Variants in RIPOR3 observed in about 807,000 individuals in gnomAD.
The protein encoded by RIPOR3 is family with sequence similarity 65 member C.
In RIPOR3, 95 loss-of-function variants were observed where a neutral mutation model predicts 114.3. The ratio of observed to expected loss-of-function variants is 0.83; its 90% confidence interval spans 0.70 to 0.99. The LOEUF is 0.99. RIPOR3 is among the 50% of genes least tolerant of loss of function. The pLI is 0.00. For synonymous variants in RIPOR3, 575 were observed against 543.8 expected, an observed-to-expected ratio of 1.06 and a Z score of -0.80; for missense variants, 1,252 against 1,266.9, an observed-to-expected ratio of 0.99 and a Z score of 0.18.
At chr20:50,588,483 A>T (rs1216149997) in intron 20 of RIPOR3, among the ~76,000 whole-genome samples, 1 of 152,242 alleles carries the variant, frequency 6.6e-6, no homozygotes, top group Non-Finnish European at 1.5e-5. Context: ...GGTTGAGGGA[A>T]AGCGGGCATC....
At chr20:50,608,788 T>C (rs371488470) in intron 9 of RIPOR3, 50 bp from the exon 10 acceptor site, 186 of 1,612,424 alleles carry the variant, frequency 1.2e-4, no homozygotes, top group Non-Finnish European at 1.5e-4. Flanking sequence ...GGTGTCCCCT[T>C]GCTGTCCGCC....
chr20:50,591,258 A>G (rs530064678), intron 19 of RIPOR3, among the ~76,000 whole-genome samples: 4 of 152,328 alleles, frequency 2.6e-5, no homozygotes, highest in African/African-American at 7.2e-5. Context: ...AAAGGAATTG[A>G]TAGTTAATTT....
At chr20:50,655,873 T>C (rs2085792856) in intron 1 of RIPOR3, among the ~76,000 whole-genome samples, 1 of 152,104 alleles carries the variant, frequency 6.6e-6, no homozygotes, top group South Asian at 2.1e-4. Flanking sequence ...CAATTGTTTC[T>C]TTCCCTTTTT....
chr20:50,615,496 G>A (rs2084140140), intron 4 of RIPOR3, among the ~76,000 whole-genome samples: 1 of 143,482 alleles, frequency 7.0e-6, no homozygotes, highest in Admixed American at 7.3e-5. Context: ...CTGCACTCCA[G>A]CCTGGACAAC....
intron 1 of RIPOR3, among the ~76,000 whole-genome samples, chr20:50,671,387 C>G (rs1238703036): frequency 6.6e-6 from 1 of 151,670 alleles, no homozygotes. Flanking sequence ...CTTTCTCTCT[C>G]CCTCTCTCTC....
At chr20:50,683,383 G>C (rs539160829) in intron 1 of RIPOR3, among the ~76,000 whole-genome samples, 308 of 152,182 alleles carry the variant, frequency 2.0e-3, no homozygotes, top group Admixed American at 3.8e-3. Context: ...GGAAGTGTAG[G>C]TGGGGCTGTT....
rs1345241156 is a variant in RIPOR3, at chr20:50,602,492, C to T, written c.1239G>A (p.Glu413=). ...TGCTGGTCTCCGTGTCTCGGGGGTCCTCAGAGCTGAAGGAGTCCATCTCAG... is the reference window on the plus strand; with the variant it reads ...TGCTGGTCTCCGTGTCTCGGGGGTCTTCAGAGCTGAAGGAGTCCATCTCAG... The part of the protein sequence containing the change: ...ELPEMDSFSS[E]DPRDTETSTS... The change falls in exon 13 of 22, where the codon GAG becomes GAA. Residue 413 remains glutamate, a synonymous_variant. Coordinates refer to ENST00000327979, the MANE Select transcript of RIPOR3 (RefSeq NM_001290268.2). The surrounding 1 kb of genome is among the most constrained non-coding windows in gnomAD (Gnocchi z 4.3). 6.4e-7 allele frequency: 1 copy of T among 1,562,070 alleles called. No individual in the cohort carries two copies. Among genetic ancestry groups the T allele is most frequent in the Admixed American group, 1.9e-5 (1 of 52,770 alleles).
chr20:50,593,059 G>A lies in RIPOR3; in HGVS notation c.2350C>T (p.His784Tyr). 6.2e-7 allele frequency: 1 copy of A among 1,614,118 alleles called. No homozygotes were observed. Among genetic ancestry groups the A allele is most frequent in the Non-Finnish European group, 8.5e-7 (1 of 1,180,044 alleles). ...CCTTCCTTGGTGAGCTGGGTGAAGT[G>A]CTTCTCCAGGTCAGAGACGCTCTGC... ...QRQSVSDLEKHFTQLTKEVTL... is the reference protein window; with the variant it reads ...QRQSVSDLEKYFTQLTKEVTL... Residue 784 changes from histidine to tyrosine, a missense_variant, in exon 18 of 22, where the codon CAC becomes TAC. His to Tyr is a moderately conservative substitution (Grantham distance 83, BLOSUM62 2). Coordinates refer to ENST00000327979, the MANE Select transcript of RIPOR3 (RefSeq NM_001290268.2).
rs1418599523 is a variant in RIPOR3, at chr20:50,691,509, C to T, written c.-381G>A. On this transcript the variant is annotated 5_prime_UTR_variant, in exon 1 of 22. Coordinates refer to ENST00000327979, the MANE Select transcript of RIPOR3 (RefSeq NM_001290268.2). ...CGGATGCCGCCTGCTGCTCTGGACG[C>T]GGCCGATTGCTTGTCAGTGTCACTC... 6.2e-5 allele frequency: 12 copies of T among 193,878 alleles called. No individual in the cohort carries two copies. The highest frequency in any genetic ancestry group is 5.3e-4 in the South Asian group (7 of 13,130). 12.0% of individuals were successfully genotyped at this position (193,878 alleles called of 1,614,324 possible).
chr20:50,607,094 T>C (rs567043600), intron 11 of RIPOR3, among the ~76,000 whole-genome samples: 47 of 152,334 alleles, frequency 3.1e-4, no homozygotes, highest in African/African-American at 1.1e-3. Context: ...GCTCCTTTTC[T>C]GCATTTTGTT....
At chr20:50,611,152 C>G in intron 5 of RIPOR3, 29 bp downstream of exon 5, 1 of 1,614,148 alleles carries the variant, frequency 6.2e-7, no homozygotes, top group Admixed American at 1.7e-5. Flanking sequence ...CCAGGCCCAG[C>G]CCACCTCACT....
At position 50,602,189 on chromosome 20, in the gene RIPOR3, G is replaced by A. The variant is rs768013136; in HGVS notation, c.1542C>T (p.Gly514=). 16 of 1,613,130 alleles carry A rather than the reference G, an allele frequency of 9.9e-6. No homozygotes were observed. The highest frequency in any genetic ancestry group is 5.0e-5 in the Admixed American group (3 of 59,982). ...CCTGCAGAGGCCCCTCGAGGGCCAC[G>A]CCAGGCCCGTCCTCTCTGTCCCCGG... ...GATGDREDGP[G]VALEGPLQEV... Residue 514 remains glycine, a synonymous_variant, in exon 13 of 22, where the codon GGC becomes GGT. Transcript: ENST00000327979. This position sits in a 1 kb window ranked among gnomAD's most constrained non-coding sequence, Gnocchi z 4.3.
At chr20:50,644,408 T>G (rs2085318308) in intron 1 of RIPOR3, among the ~76,000 whole-genome samples, 2 of 152,254 alleles carry the variant, frequency 1.3e-5, no homozygotes, top group Admixed American at 1.3e-4. Context: ...AGCACATGTA[T>G]ACATGTTAAA....
rs2085955184 is a variant in RIPOR3, at chr20:50,660,458, A to G, written c.4-29602T>C. On this transcript the variant is annotated intron_variant, in intron 1 of 21. Coordinates refer to ENST00000327979, the MANE Select transcript of RIPOR3 (RefSeq NM_001290268.2). Reference sequence around the variant, plus strand: ...CTTTATAATAACCCACTCTCACAGCAATGAGTTAGATGGAGAACCAATTCA... The same window carrying G: ...CTTTATAATAACCCACTCTCACAGCGATGAGTTAGATGGAGAACCAATTCA... 2.0e-5 allele frequency among the ~76,000 whole-genome samples: 3 copies of G among 152,150 alleles called. No individual in the cohort carries two copies. The South Asian group carries it at 6.2e-4, about 32-fold the overall frequency.
At chr20:50,691,024 C>T in intron 1 of RIPOR3, 102 bp downstream of exon 1, 1 of 1,277,758 alleles carries the variant, frequency 7.8e-7, no homozygotes, top group Non-Finnish European at 1.0e-6. Context: ...TCCAGGTGGC[C>T]TGTGAGGAAC....
intron 1 of RIPOR3, among the ~76,000 whole-genome samples, chr20:50,657,962 G>A (rs576043174): frequency 2.0e-5 from 3 of 151,272 alleles, no homozygotes; most frequent in South Asian, 2.1e-4. Flanking sequence ...ACAGGGCCTC[G>A]GTATATTGCC....
chr20:50,591,238 TATATG>T (rs768537266), intron 19 of RIPOR3, among the ~76,000 whole-genome samples: 40 of 152,330 alleles, frequency 2.6e-4, no homozygotes, highest in Non-Finnish European at 5.3e-4. Context: ...GAACATAAGA[TATATG>T]ATATAAAGGA....
chr20:50,593,324 G>A (rs1343267727), intron 17 of RIPOR3, 128 bp from the exon 18 acceptor site: 16 of 1,068,578 alleles, frequency 1.5e-5, no homozygotes, highest in Non-Finnish European at 1.7e-5. Flanking sequence ...TGTAACCCCA[G>A]CACTTTGGGA....
intron 13 of RIPOR3, among the ~76,000 whole-genome samples, chr20:50,600,781 G>C (rs926807820): frequency 6.6e-6 from 1 of 151,994 alleles, no homozygotes; most frequent in African/African-American, 2.4e-5. Context: ...AAAACATGAA[G>C]TACCAAAAAG....
Sources: allele counts gnomAD v4.1 joint callset (sites outside exome capture counted in the v4.1 genomes callset), GRCh38; gene constraint gnomAD v4.1.1; non-coding constraint Gnocchi (gnomAD v3.1); transcripts MANE v1.5; gene names NCBI Gene and HGNC (gene_info 2026-07-23, HGNC 2026-07-21).